The following TTC28 variants were observed in gnomAD, a reference collection of about 807,000 sequenced individuals.
The protein encoded by TTC28 is tetratricopeptide repeat protein 28.
TTC28 carries 61 observed loss-of-function variants against 198.0 expected under a neutral mutation model. The observed-to-expected ratio is 0.31, with a 90% confidence interval of 0.25 to 0.38. The LOEUF (loss-of-function observed/expected upper bound fraction) is 0.38. Among genes scored for constraint, TTC28 ranks in the 10% least tolerant of loss-of-function variants. The pLI, the probability that TTC28 is intolerant of heterozygous loss-of-function variation, is 1.00. For missense variants in TTC28, 2,678 were observed against 3,164.0 expected (o/e 0.85, Z 3.69); for synonymous variants, 1,171 against 1,297.8 (o/e 0.90, Z 2.10).
intron 2 of TTC28, among the ~76,000 whole-genome samples, chr22:28,516,169 A>C (rs1262472523): frequency 7.9e-5 from 12 of 152,010 alleles, no homozygotes; most frequent in Admixed American, 7.9e-4. Flanking sequence ...AGCTGAGTGA[A>C]TTCATGTGAT....
intron 2 of TTC28, among the ~76,000 whole-genome samples, chr22:28,471,755 A>G (rs1223734001): frequency 1.3e-5 from 2 of 152,134 alleles, no homozygotes; most frequent in East Asian, 1.9e-4. Flanking sequence ...GAAGCAGTGG[A>G]GTGTGATTTC....
chr22:28,591,040 C>CACACATATATATAT (rs1362164401), intron 2 of TTC28, among the ~76,000 whole-genome samples: 3 of 30,750 alleles, frequency 9.8e-5, no homozygotes, highest in African/African-American at 4.9e-4. Context: ...CACACACACA[C>CACACATATATATAT]ATATATATAT....
chr22:28,243,558 G>C (rs1326499465), intron 5 of TTC28, among the ~76,000 whole-genome samples: 1 of 151,828 alleles, frequency 6.6e-6, no homozygotes, highest in Non-Finnish European at 1.5e-5. Flanking sequence ...TGTGAGTTTT[G>C]ATGCTATCAT....
At chr22:28,077,130 G>T (rs1941195529) in intron 12 of TTC28, among the ~76,000 whole-genome samples, 1 of 152,038 alleles carries the variant, frequency 6.6e-6, no homozygotes, top group African/African-American at 2.4e-5. Context: ...TCCATTTTAG[G>T]ATTGCACCTC....
At chr22:28,631,018 C>G (rs369073913) in intron 1 of TTC28, among the ~76,000 whole-genome samples, 14 of 152,134 alleles carry the variant, frequency 9.2e-5, no homozygotes, top group African/African-American at 2.7e-4. Flanking sequence ...ACTCAAGATG[C>G]TGAAGCAGGA....
At chr22:28,389,593 T>G (rs1266175094) in intron 2 of TTC28, among the ~76,000 whole-genome samples, 12 of 149,900 alleles carry the variant, frequency 8.0e-5, no homozygotes, top group African/African-American at 2.7e-4. Flanking sequence ...GTCGAGGAAT[T>G]TATCCATTTC....
At chr22:28,567,931 C>T (rs866666708) in intron 2 of TTC28, among the ~76,000 whole-genome samples, 4 of 151,938 alleles carry the variant, frequency 2.6e-5, no homozygotes, top group African/African-American at 7.2e-5. Flanking sequence ...AAATACTCAA[C>T]GTGTTTCAAA....
At chr22:28,162,698 T>A (rs1366537495) in intron 6 of TTC28, among the ~76,000 whole-genome samples, 1 of 152,184 alleles carries the variant, frequency 6.6e-6, no homozygotes, top group African/African-American at 2.4e-5. Context: ...GCCATAATTG[T>A]AGCACTTTGG....
In TTC28 at chr22:28,318,812, C is replaced by CTTT. The variant is rs71316836; in HGVS notation, c.382-12172_382-12170dup. Among the ~76,000 whole-genome samples the CTTT allele has an allele frequency of 2.0e-3, 123 of 61,346 alleles. 2 individuals carry two copies. Among genetic ancestry groups the CTTT allele is most frequent in the Middle Eastern group, 0.02 (1 of 50 alleles). 40.2% of individuals were successfully genotyped at this position (61,346 alleles called of 152,430 possible). A position where few individuals can be genotyped will look rare whatever the true frequency, so the allele number is the denominator to read the frequency against. On this transcript the variant is annotated intron_variant, in intron 2 of 22. Coordinates refer to ENST00000397906, the MANE Select transcript of TTC28 (RefSeq NM_001145418.2). ...AAAAATGTAGGCTGGGAAGTGTATTCTTTTTTTTTTTTTTTTTTTTTTTTT... is the reference window on the plus strand; with the variant it reads ...AAAAATGTAGGCTGGGAAGTGTATTCTTTTTTTTTTTTTTTTTTTTTTTTTTTT...
chr22:28,068,953 T>G (rs1041441655), intron 12 of TTC28, among the ~76,000 whole-genome samples: 1 of 152,188 alleles, frequency 6.6e-6, no homozygotes, highest in Non-Finnish European at 1.5e-5. Context: ...TTTCTCTATT[T>G]TTTCATCTCA....
chr22:28,502,730 G>A (rs1171891707), intron 2 of TTC28, among the ~76,000 whole-genome samples: 1 of 152,072 alleles, frequency 6.6e-6, no homozygotes, highest in Admixed American at 6.5e-5. Context: ...CTGACAATAA[G>A]GCTGTCAGTG....
At chr22:28,093,527 T>C (rs1196556072) in intron 12 of TTC28, among the ~76,000 whole-genome samples, 1 of 152,242 alleles carries the variant, frequency 6.6e-6, no homozygotes, top group Non-Finnish European at 1.5e-5. Context: ...ATATGTAAAA[T>C]AGTCAATCAT....
At chr22:28,392,753 A>G (rs1358194138) in intron 2 of TTC28, among the ~76,000 whole-genome samples, 1 of 151,656 alleles carries the variant, frequency 6.6e-6, no homozygotes, top group African/African-American at 2.4e-5. Flanking sequence ...GGCACTCCCT[A>G]GTGAGATGAA....
At chr22:28,585,727 G>C (rs1010099215) in intron 2 of TTC28, among the ~76,000 whole-genome samples, 1 of 152,042 alleles carries the variant, frequency 6.6e-6, no homozygotes, top group Non-Finnish European at 1.5e-5. Context: ...GGTGGAGCTG[G>C]GATTTCAAAC....
At chr22:28,426,450 T>C (rs1236740843) in intron 2 of TTC28, among the ~76,000 whole-genome samples, 2 of 152,168 alleles carry the variant, frequency 1.3e-5, no homozygotes, top group Non-Finnish European at 2.9e-5. Flanking sequence ...AATCTATCTT[T>C]ATATAGTTTA....
chr22:28,560,182 C>A (rs2049846112), intron 2 of TTC28, among the ~76,000 whole-genome samples: 1 of 152,204 alleles, frequency 6.6e-6, no homozygotes, highest in African/African-American at 2.4e-5. Context: ...CCTCCAAATC[C>A]TACTTGATGC....
intron 12 of TTC28, among the ~76,000 whole-genome samples, chr22:28,043,156 C>A (rs1247845600): frequency 7.4e-6 from 1 of 134,780 alleles, no homozygotes; most frequent in East Asian, 2.3e-4. Flanking sequence ...AGGCAGAGAA[C>A]TGCTTGAACC....
intron 6 of TTC28, among the ~76,000 whole-genome samples, chr22:28,158,755 A>G (rs962126875): frequency 2.6e-5 from 4 of 152,232 alleles, no homozygotes; most frequent in Non-Finnish European, 5.9e-5. Flanking sequence ...GTATCTAAAA[A>G]TCACATCAAA....
intron 2 of TTC28, among the ~76,000 whole-genome samples, chr22:28,513,262 T>C (rs867329134): frequency 6.6e-6 from 1 of 152,200 alleles, no homozygotes; most frequent in African/African-American, 2.4e-5. Context: ...ATACGAGTCA[T>C]GCCCAAATGC....
Sources: allele counts gnomAD v4.1 joint callset (sites outside exome capture counted in the v4.1 genomes callset), GRCh38; gene constraint gnomAD v4.1.1; transcripts MANE v1.5; gene names NCBI Gene and HGNC (gene_info 2026-07-23, HGNC 2026-07-21).